TSHZ2: variants seen among roughly 807,000 people sequenced by gnomAD.
The protein encoded by TSHZ2 is teashirt homolog 2.
A neutral mutation model predicts 74.4 loss-of-function variants in TSHZ2; 21 were observed. That is an observed-to-expected ratio of 0.28 (90% CI 0.20 to 0.41). The LOEUF (loss-of-function observed/expected upper bound fraction) is 0.41, where lower values mean the gene tolerates loss of function less well. Ranked by LOEUF, TSHZ2 falls within the 10% of genes least tolerant of loss-of-function variation. The pLI is 1.00. For synonymous variants in TSHZ2, 540 were observed against 515.3 expected (o/e 1.05, Z -0.65); for missense variants, 1,244 against 1,293.5 (o/e 0.96, Z 0.59).
At position 53,254,972 on chromosome 20, in the gene TSHZ2, A is replaced by G; in HGVS notation, c.1514A>G (p.Asp505Gly). The change falls in exon 2 of 3, where the codon GAC becomes GGC. Residue 505 changes from aspartate to glycine, a missense_variant. Asp to Gly is a moderately conservative substitution (Grantham distance 94). Transcript: ENST00000371497. Reference protein sequence around the residue: ...TIKYQYLREEDLEDGSKGGGD... With the variant: ...TIKYQYLREEGLEDGSKGGGD... ...AAATATCAATACCTAAGGGAGGAAG[A>G]CTTGGAAGATGGCTCAAAGGGTGGA... The G allele has an allele frequency of 1.9e-6, 3 of 1,614,198 alleles. No homozygotes were observed. The highest frequency in any genetic ancestry group is 2.5e-6 in the Non-Finnish European group (3 of 1,180,014).
rs936218439 is a variant in TSHZ2 at position 53,339,412 on chromosome 20, T to G, written c.*8+82841T>G. On this transcript the variant is annotated intron_variant, in intron 2 of 2. Transcript: ENST00000371497. The stretch of plus-strand genomic sequence containing the variant: ...TCAAGGGCCAGGGCATTACTGGCTG[T>G]TCCTGAGCCACTTTGAACCCTGAAA... 3.9e-4 allele frequency among the ~76,000 whole-genome samples: 60 copies of G among 152,242 alleles called. 2 individuals are homozygous for G. In the East Asian group the frequency reaches 0.01, roughly 26 times the overall value.
intron 1 of TSHZ2, among the ~76,000 whole-genome samples, chr20:53,081,837 AAC>A (rs1985544984): frequency 1.3e-5 from 2 of 152,096 alleles, no homozygotes; most frequent in African/African-American, 2.4e-5. Flanking sequence ...CCTTTTTAGA[AAC>A]ACACAAACAC....
At chr20:53,280,433 T>C (rs1416045800) in intron 2 of TSHZ2, among the ~76,000 whole-genome samples, 1 of 152,210 alleles carries the variant, frequency 6.6e-6, no homozygotes, top group Non-Finnish European at 1.5e-5. Context: ...CCAGAGGTAG[T>C]AAATGTCTGG....
intron 2 of TSHZ2, among the ~76,000 whole-genome samples, chr20:53,450,038 T>C (rs1984712732): frequency 6.6e-6 from 1 of 152,248 alleles, no homozygotes; most frequent in African/African-American, 2.4e-5. Flanking sequence ...TGCTCAAATG[T>C]TTATTGATTG....
intron 1 of TSHZ2, among the ~76,000 whole-genome samples, chr20:53,224,520 T>C (rs1389507353): frequency 6.6e-6 from 1 of 152,090 alleles, no homozygotes; most frequent in African/African-American, 2.4e-5. Flanking sequence ...AGAATAACTG[T>C]GAAATGTTAG....
At chr20:53,027,844 A>G (rs746330549) in intron 1 of TSHZ2, among the ~76,000 whole-genome samples, 2 of 152,190 alleles carry the variant, frequency 1.3e-5, no homozygotes, top group Non-Finnish European at 2.9e-5. Context: ...CAGTGGGGCT[A>G]TGGAAAATGC....
chr20:53,241,660 G>A (rs1990073984), intron 1 of TSHZ2, among the ~76,000 whole-genome samples: 1 of 152,092 alleles, frequency 6.6e-6, no homozygotes, highest in African/African-American at 2.4e-5. Flanking sequence ...TCTTGTGATG[G>A]TAATGAGAGG....
At chr20:53,412,671 T>A (rs896761990) in intron 2 of TSHZ2, 1 of 152,354 alleles carries the variant, frequency 6.6e-6, no homozygotes, top group Non-Finnish European at 1.5e-5. Context: ...CTTCCAAATG[T>A]CAAGGGTCCA....
At chr20:53,098,959 A>G (rs1262193006) in intron 1 of TSHZ2, among the ~76,000 whole-genome samples, 1 of 152,116 alleles carries the variant, frequency 6.6e-6, no homozygotes, top group Non-Finnish European at 1.5e-5. Flanking sequence ...CTCTTAGCAT[A>G]TTTTCATATG....
chr20:52,982,695 C>T (rs1221594074), intron 1 of TSHZ2, among the ~76,000 whole-genome samples: 1 of 152,064 alleles, frequency 6.6e-6, no homozygotes, highest in Admixed American at 6.5e-5. Context: ...ATATATAACA[C>T]AATATTGAAT....
intron 2 of TSHZ2, among the ~76,000 whole-genome samples, chr20:53,351,108 G>A (rs894329879): frequency 4.6e-5 from 7 of 152,186 alleles, no homozygotes; most frequent in African/African-American, 1.4e-4. Context: ...CAAAGAAGGG[G>A]ATATTTGCAT....
chr20:53,061,658 T>A (rs554982069), intron 1 of TSHZ2, among the ~76,000 whole-genome samples: 11 of 152,304 alleles, frequency 7.2e-5, no homozygotes, highest in South Asian at 6.2e-4. Flanking sequence ...TTTTTCCTAT[T>A]CTGTTTTTGT....
chr20:53,485,241 G>A (rs1986262180), intron 2 of TSHZ2, among the ~76,000 whole-genome samples: 1 of 152,136 alleles, frequency 6.6e-6, no homozygotes, highest in South Asian at 2.1e-4. Context: ...ATGTATTATT[G>A]AATAAAAATT....
chr20:53,109,402 T>G (rs6022282), intron 1 of TSHZ2, among the ~76,000 whole-genome samples: 5,868 of 152,166 alleles, frequency 0.039, 187 homozygotes, highest in African/African-American at 0.088. Context: ...CCACCCTATC[T>G]CTCTCTTATC....
chr20:53,269,770 A>C (rs906001168), intron 2 of TSHZ2, among the ~76,000 whole-genome samples: 12 of 151,838 alleles, frequency 7.9e-5, no homozygotes, highest in South Asian at 2.1e-4. Flanking sequence ...CACAATGTGC[A>C]CATGTACCCT....
intron 2 of TSHZ2, among the ~76,000 whole-genome samples, chr20:53,461,226 C>T (rs902184603): frequency 8.5e-5 from 13 of 152,176 alleles, no homozygotes; most frequent in African/African-American, 2.2e-4. Flanking sequence ...GAGCCAGGTG[C>T]GGGATATAAT....
At chr20:53,185,665 T>C (rs775704929) in intron 1 of TSHZ2, 3 of 1,535,946 alleles carry the variant, frequency 2.0e-6, no homozygotes, top group Non-Finnish European at 1.7e-6. Context: ...GCTGCGTTGC[T>C]CCATTATACA....
At chr20:53,349,715 T>G (rs1980575618) in intron 2 of TSHZ2, among the ~76,000 whole-genome samples, 1 of 152,148 alleles carries the variant, frequency 6.6e-6, no homozygotes, top group African/African-American at 2.4e-5. Flanking sequence ...CACTTACTAT[T>G]TTTAAAAATA....
chr20:53,239,616 C>T (rs2123691241), intron 1 of TSHZ2, among the ~76,000 whole-genome samples: 1 of 152,150 alleles, frequency 6.6e-6, no homozygotes, highest in Admixed American at 6.5e-5. Context: ...AATTTGAAAT[C>T]GCAATGGATA....
Sources: gnomAD v4.1 joint callset for allele counts (sites outside exome capture counted in the v4.1 genomes callset) on GRCh38, gnomAD v4.1.1 for gene constraint, MANE v1.5 for transcripts, NCBI Gene and HGNC (gene_info 2026-07-23, HGNC 2026-07-21) for gene names.